SLCO3A1: variants seen among roughly 807,000 people sequenced by gnomAD.
SLCO3A1 encodes solute carrier organic anion transporter family member 3A1.
SLCO3A1 carries 27 observed loss-of-function variants against 63.1 expected under a neutral mutation model. The ratio of observed to expected loss-of-function variants is 0.43; its 90% CI spans 0.32 to 0.59. SLCO3A1 has a LOEUF of 0.59. Among genes scored for constraint, SLCO3A1 ranks in the 20% least tolerant of loss-of-function variants. The probability of loss-of-function intolerance (pLI) is 0.09; values close to 1 mark genes in which losing one functional copy is unlikely to be tolerated. For missense variants in SLCO3A1, 773 were observed against 945.8 expected (o/e 0.82, Z 2.40); for synonymous variants, 473 against 409.9 (o/e 1.15, Z -1.86).
rs186716250 is a variant in SLCO3A1, at chr15:91,896,537, C to T, written c.181-19456C>T. On this transcript the variant is annotated intron_variant, in intron 1 of 9. Coordinates refer to ENST00000318445, the MANE Select transcript of SLCO3A1 (RefSeq NM_013272.4). ...ACTCATGGGGGTGGGTTTTCCCGTG[C>T]TGTTCTCGTGATAGTGAATAAGTCT... is the stretch of plus-strand genomic sequence containing the variant. Among the ~76,000 whole-genome samples the T allele has an allele frequency of 2.5e-3, 382 of 152,222 alleles. 6 individuals carry two copies. The highest frequency in any genetic ancestry group is 8.7e-3 in the African/African-American group (363 of 41,532).
chr15:91,865,441 C>A lies in SLCO3A1; in HGVS notation c.180+11353C>A, dbSNP rs1488486205. ...GGAAAAAACCAGGTCTATTCATTAACTAGGGCTGCTGTAACAAATTACCAC... is the reference window on the plus strand; with the variant it reads ...GGAAAAAACCAGGTCTATTCATTAAATAGGGCTGCTGTAACAAATTACCAC... On this transcript the variant is annotated intron_variant, in intron 1 of 9. Transcript: ENST00000318445. This position sits in a 1 kb window ranked among gnomAD's most constrained non-coding sequence, Gnocchi z 4.6. Among the ~76,000 whole-genome samples, 3 of 152,204 alleles carry A rather than the reference C, an allele frequency of 2.0e-5. No homozygotes were observed. Among genetic ancestry groups the A allele is most frequent in the African/African-American group, 7.2e-5 (3 of 41,446 alleles).
At chr15:92,103,427 C>G (rs1327921323) in intron 3 of SLCO3A1, among the ~76,000 whole-genome samples, 3 of 152,130 alleles carry the variant, frequency 2.0e-5, no homozygotes, top group Non-Finnish European at 4.4e-5. Context: ...ACAGTGCCAC[C>G]AAACCATATG....
At chr15:92,043,102 G>T (rs904960992) in intron 2 of SLCO3A1, among the ~76,000 whole-genome samples, 1 of 151,578 alleles carries the variant, frequency 6.6e-6, no homozygotes, top group Non-Finnish European at 1.5e-5. Context: ...CCAGTTGTTT[G>T]AGCTGTGATG....
intron 2 of SLCO3A1, among the ~76,000 whole-genome samples, chr15:91,933,368 C>G (rs1597134108): frequency 6.6e-6 from 1 of 152,158 alleles, no homozygotes; most frequent in African/African-American, 2.4e-5. Context: ...CCTGTCATTT[C>G]TGTTCCATTT....
In SLCO3A1 at chr15:92,133,081, C is replaced by T. The variant is rs576872456; in HGVS notation, c.1512+4592C>T. 2.7e-5 allele frequency among the ~76,000 whole-genome samples: 4 copies of T among 145,838 alleles called. 1 individual carries two copies. In the South Asian group the frequency reaches 8.7e-4, roughly 32 times the overall value. The stretch of plus-strand genomic sequence containing the variant: ...GGCCAGATAATGGATTGTCATGAGG[C>T]GCTGCCCTATGCACTGTGTTTTTAC... On this transcript the variant is annotated intron_variant, in intron 7 of 9. Coordinates refer to ENST00000318445, the MANE Select transcript of SLCO3A1 (RefSeq NM_013272.4).
chr15:92,154,926 C>T (rs781553143), intron 9 of SLCO3A1, among the ~76,000 whole-genome samples: 1 of 152,196 alleles, frequency 6.6e-6, no homozygotes, highest in Non-Finnish European at 1.5e-5. Flanking sequence ...GCCAAAGCCT[C>T]ATTGTCTGAC....
chr15:92,080,563 C>T (rs180932838), intron 2 of SLCO3A1, among the ~76,000 whole-genome samples: 95 of 152,168 alleles, frequency 6.2e-4, no homozygotes, highest in Non-Finnish European at 1.2e-3. Flanking sequence ...TTTGATGCAC[C>T]GCTAGGGCCC....
intron 2 of SLCO3A1, among the ~76,000 whole-genome samples, chr15:92,056,567 C>A (rs922091595): frequency 2.0e-5 from 3 of 152,130 alleles, no homozygotes; most frequent in Non-Finnish European, 4.4e-5. Context: ...TTACTTCCTC[C>A]CATGTAGTAT....
chr15:91,952,692 T>G (rs1199216411), intron 2 of SLCO3A1, among the ~76,000 whole-genome samples: 1 of 152,186 alleles, frequency 6.6e-6, no homozygotes, highest in African/African-American at 2.4e-5. Context: ...AATATACTTT[T>G]CCGAAATCAA....
intron 8 of SLCO3A1, 21 bp downstream of exon 8, chr15:92,147,180 C>T (rs370549684): frequency 1.1e-5 from 17 of 1,596,944 alleles, no homozygotes; most frequent in Admixed American, 1.0e-4. Context: ...GGCACAGCCC[C>T]GCCTCTCCTC....
rs1392159013 is a variant in SLCO3A1 at position 91,872,291 on chromosome 15, G to C, written c.180+18203G>C. On this transcript the variant is annotated intron_variant, in intron 1 of 9. Coordinates refer to ENST00000318445, the MANE Select transcript of SLCO3A1 (RefSeq NM_013272.4). This position sits in a 1 kb window ranked among gnomAD's most constrained non-coding sequence, Gnocchi z 4.1. ...CTCACGCCTGTAATCCCAGCACTTT[G>C]GGAAGCCAGTGCGGGCAGATCACGA... Among the ~76,000 whole-genome samples, 1 of 152,192 alleles carries C rather than the reference G, an allele frequency of 6.6e-6. No homozygotes were observed. The highest frequency in any genetic ancestry group is 2.4e-5 in the African/African-American group (1 of 41,450).
At chr15:92,074,705 G>A (rs1043351595) in intron 2 of SLCO3A1, among the ~76,000 whole-genome samples, 2 of 151,910 alleles carry the variant, frequency 1.3e-5, no homozygotes, top group African/African-American at 4.8e-5. Flanking sequence ...CATCTTCCAG[G>A]ACAGAGACGC....
intron 7 of SLCO3A1, among the ~76,000 whole-genome samples, chr15:92,143,204 G>C (rs2048158512): frequency 6.8e-6 from 1 of 146,418 alleles, no homozygotes. Flanking sequence ...AGTCCATATG[G>C]TTCTAAGAAC....
At chr15:91,880,093 A>ATGTG (rs1247706130) in intron 1 of SLCO3A1, among the ~76,000 whole-genome samples, 3 of 133,442 alleles carry the variant, frequency 2.2e-5, no homozygotes, top group Non-Finnish European at 3.3e-5. Context: ...ACCTGCTTGT[A>ATGTG]TGTGTGTCCG....
chr15:92,084,625 C>T (rs542543796), intron 2 of SLCO3A1, among the ~76,000 whole-genome samples: 2 of 152,264 alleles, frequency 1.3e-5, no homozygotes, highest in African/African-American at 4.8e-5. Context: ...ATAGCAGTCC[C>T]TGGGTTTCTG....
intron 5 of SLCO3A1, 90 bp downstream of exon 5, chr15:92,120,719 C>T (rs542476858): frequency 9.0e-7 from 1 of 1,109,966 alleles, no homozygotes; most frequent in Admixed American, 1.8e-5. Context: ...GCTGAAGAAC[C>T]CCACTCTGCT....
intron 2 of SLCO3A1, among the ~76,000 whole-genome samples, chr15:92,023,899 C>T (rs1372633414): frequency 6.6e-6 from 1 of 152,236 alleles, no homozygotes; most frequent in Non-Finnish European, 1.5e-5. Flanking sequence ...TGAGCTCCGT[C>T]TCAAGGGGCT....
At chr15:92,091,333 C>T (rs1165905913) in intron 2 of SLCO3A1, among the ~76,000 whole-genome samples, 1 of 152,178 alleles carries the variant, frequency 6.6e-6, no homozygotes, top group African/African-American at 2.4e-5. Context: ...AGCACCGGGC[C>T]GCTGCAGAAG....
rs79689116 is a variant in SLCO3A1 at position 91,955,832 on chromosome 15, C to T, written c.646+39374C>T. ...GCAAAACAAACAGCAGTGACTGCCA[C>T]GTATTAGCGTGTTTGGAATCTGTAA... On this transcript the variant is annotated intron_variant, in intron 2 of 9. Coordinates refer to ENST00000318445, the MANE Select transcript of SLCO3A1 (RefSeq NM_013272.4). Among the ~76,000 whole-genome samples, 1,093 of 152,282 alleles carry T rather than the reference C, an allele frequency of 7.2e-3. 7 individuals carry two copies. The highest frequency in any genetic ancestry group is 0.011 in the Non-Finnish European group (716 of 68,032).
Sources: gnomAD v4.1 joint callset for allele counts (sites outside exome capture counted in the v4.1 genomes callset) on GRCh38, gnomAD v4.1.1 for gene constraint, Gnocchi (gnomAD v3.1) non-coding constraint, MANE v1.5 for transcripts, NCBI Gene and HGNC (gene_info 2026-07-23, HGNC 2026-07-21) for gene names.